Variants in TIAM1 observed in about 807,000 individuals in gnomAD.
TIAM1 encodes the protein rho guanine nucleotide exchange factor TIAM1.
Under a neutral mutation model 163.5 loss-of-function variants are expected in TIAM1, and 65 were observed. That is an observed-to-expected ratio of 0.40 (90% confidence interval 0.33 to 0.49). TIAM1 has a LOEUF of 0.49. Among genes scored for constraint, TIAM1 ranks in the 20% least tolerant of loss-of-function variants. The pLI, the probability that TIAM1 is intolerant of heterozygous loss-of-function variation, is 0.77. For synonymous variants in TIAM1, 833 were observed against 810.1 expected (o/e 1.03, Z -0.48); for missense variants, 1,789 against 2,044.7 (o/e 0.87, Z 2.41).
At chr21:31,155,901 C>T (rs993432888) in intron 16 of TIAM1, among the ~76,000 whole-genome samples, 9 of 152,164 alleles carry the variant, frequency 5.9e-5, no homozygotes, top group African/African-American at 1.2e-4. Context: ...CAGTAAATAC[C>T]GGTGCAAATA....
chr21:31,148,085 T>G (rs970069699), intron 19 of TIAM1, among the ~76,000 whole-genome samples: 1 of 150,906 alleles, frequency 6.6e-6, no homozygotes, highest in East Asian at 2.0e-4. Context: ...TCTTCTTACG[T>G]GTTCTCCTTT....
At chr21:31,318,878 T>C (rs1225265093) in intron 2 of TIAM1, among the ~76,000 whole-genome samples, 1 of 152,176 alleles carries the variant, frequency 6.6e-6, no homozygotes, top group African/African-American at 2.4e-5. Context: ...TGTTGTTTTA[T>C]ACAAAGACAG....
intron 2 of TIAM1, among the ~76,000 whole-genome samples, chr21:31,305,951 A>G (rs1287050536): frequency 1.3e-5 from 2 of 152,182 alleles, no homozygotes; most frequent in Non-Finnish European, 2.9e-5. Flanking sequence ...CAAGTCCCCC[A>G]GGGGAGGAAC....
At chr21:31,160,466 A>T (rs2083859845) in intron 16 of TIAM1, 1 of 398,684 alleles carries the variant, frequency 2.5e-6, no homozygotes, top group Admixed American at 4.4e-5. Context: ...TTCGATACAT[A>T]GAGTCACCGG....
intron 2 of TIAM1, among the ~76,000 whole-genome samples, chr21:31,301,392 G>A (rs1429646883): frequency 6.6e-6 from 1 of 152,108 alleles, no homozygotes; most frequent in Admixed American, 6.5e-5. Flanking sequence ...ACAGATGAGG[G>A]TATTAAAACA....
At chr21:31,363,432 T>A (rs1318655674) in intron 2 of TIAM1, among the ~76,000 whole-genome samples, 4 of 152,144 alleles carry the variant, frequency 2.6e-5, no homozygotes, top group Admixed American at 1.3e-4. Context: ...CTGGGTTTTT[T>A]AAATGGTTTT....
At chr21:31,283,874 T>A (rs764218463) in intron 2 of TIAM1, among the ~76,000 whole-genome samples, 1 of 152,168 alleles carries the variant, frequency 6.6e-6, no homozygotes, top group Non-Finnish European at 1.5e-5. Context: ...GCAAAGCTAC[T>A]GAACACTTGG....
chr21:31,386,010 C>T (rs959970581), intron 2 of TIAM1, among the ~76,000 whole-genome samples: 2 of 150,230 alleles, frequency 1.3e-5, no homozygotes, highest in Non-Finnish European at 3.0e-5. Context: ...CTGTATTGTG[C>T]CTATGCAGAA....
At chr21:31,409,000 C>A (rs544997748) in intron 2 of TIAM1, among the ~76,000 whole-genome samples, 93 of 152,262 alleles carry the variant, frequency 6.1e-4, no homozygotes, top group African/African-American at 2.2e-3. Context: ...CATGCCCCCC[C>A]CTCCAGGCTT....
intron 12 of TIAM1, among the ~76,000 whole-genome samples, chr21:31,200,735 A>C (rs566599219): frequency 2.4e-4 from 36 of 152,176 alleles, no homozygotes; most frequent in Non-Finnish European, 5.0e-4. Flanking sequence ...TATGTATTCT[A>C]TTTTACGCGA....
intron 1 of TIAM1, among the ~76,000 whole-genome samples, chr21:31,465,277 T>C (rs2045481421): frequency 6.6e-6 from 1 of 152,046 alleles, no homozygotes; most frequent in Non-Finnish European, 1.5e-5. Context: ...TTTATTTATT[T>C]TTAGTGCAGA....
intron 1 of TIAM1, among the ~76,000 whole-genome samples, chr21:31,512,255 C>G (rs1409905998): frequency 6.6e-6 from 1 of 151,992 alleles, no homozygotes; most frequent in Non-Finnish European, 1.5e-5. Context: ...TATCACCATG[C>G]CCAGCTAATT....
Position 31,487,554 on chromosome 21 carries a change from A to ATTT in TIAM1, c.-421-23522_-421-23520dup, listed in dbSNP as rs1279067707. On this transcript the variant is annotated intron_variant, in intron 1 of 28. Coordinates refer to the TIAM1 transcript ENST00000286827. Reference sequence around the variant, plus strand: ...CCCAGCTAATTTTTTTTTTTTTTGTATTTTTTTTTTTTTTGAGACGGAGTC... The same window carrying ATTT: ...CCCAGCTAATTTTTTTTTTTTTTGTATTTTTTTTTTTTTTTTTGAGACGGAGTC... Among the ~76,000 whole-genome samples, 17 of 114,810 alleles carry ATTT rather than the reference A, an allele frequency of 1.5e-4. 2 individuals are homozygous for ATTT. Among genetic ancestry groups the ATTT allele is most frequent in the African/African-American group, 3.9e-4 (12 of 30,620 alleles). The allele number at this position is 114,810 out of a possible 152,430, so 75.3% of individuals were successfully genotyped here. A position where few individuals can be genotyped will look rare whatever the true frequency, so the allele number is the denominator to read the frequency against.
chr21:31,262,951 A>AT (rs35888561), intron 4 of TIAM1, among the ~76,000 whole-genome samples: 2 of 151,748 alleles, frequency 1.3e-5, no homozygotes, highest in African/African-American at 2.4e-5. Flanking sequence ...AAAGAAAAAA[A>AT]TTTTTTTTTA....
At chr21:31,182,776 G>A (rs1249818229) in intron 14 of TIAM1, 131 bp from the exon 15 acceptor site, 10 of 861,284 alleles carry the variant, frequency 1.2e-5, no homozygotes, top group Admixed American at 3.1e-5. Context: ...ACAGGCTGCG[G>A]TGCTCGGGAG....
At chr21:31,326,248 G>C (rs1203953965) in intron 2 of TIAM1, among the ~76,000 whole-genome samples, 1 of 152,212 alleles carries the variant, frequency 6.6e-6, no homozygotes, top group African/African-American at 2.4e-5. Flanking sequence ...GAGTTGAGCA[G>C]CTGCCACTCT....
chr21:31,374,343 C>G (rs932206886), intron 2 of TIAM1, among the ~76,000 whole-genome samples: 1 of 152,206 alleles, frequency 6.6e-6, no homozygotes, highest in African/African-American at 2.4e-5. Flanking sequence ...AAGTTTCCTT[C>G]CTGTAGCTTT....
chr21:31,437,630 G>C (rs577752543), intron 2 of TIAM1, among the ~76,000 whole-genome samples: 2 of 152,230 alleles, frequency 1.3e-5, no homozygotes, highest in East Asian at 3.9e-4. Flanking sequence ...TGGATCACGA[G>C]GGTGGACATC....
chr21:31,376,881 C>G (rs1438244582), intron 2 of TIAM1, among the ~76,000 whole-genome samples: 1 of 151,852 alleles, frequency 6.6e-6, no homozygotes, highest in Non-Finnish European at 1.5e-5. Context: ...TTTTTTGAAT[C>G]AGAGTCTCAC....
Sources: allele counts gnomAD v4.1 joint callset (sites outside exome capture counted in the v4.1 genomes callset), GRCh38; gene constraint gnomAD v4.1.1; transcripts MANE v1.5; gene names NCBI Gene and HGNC (gene_info 2026-07-23, HGNC 2026-07-21).